Variants in ARMH1 observed in about 807,000 individuals in gnomAD.
The protein encoded by ARMH1 is armadillo like helical domain containing 1, also known as armadillo-like helical domain containing protein 1.
A neutral mutation model predicts 50.2 loss-of-function variants in ARMH1; 34 were observed. The ratio of observed to expected loss-of-function variants is 0.68; its 90% CI spans 0.51 to 0.90. The LOEUF (loss-of-function observed/expected upper bound fraction) is 0.90, where lower values mean the gene tolerates loss of function less well. Among genes scored for constraint, ARMH1 ranks in the 40% least tolerant of loss-of-function variants. The probability of loss-of-function intolerance (pLI) is 0.00; values close to 1 mark genes in which losing one functional copy is unlikely to be tolerated. For synonymous variants in ARMH1, 221 were observed against 224.2 expected (o/e 0.99, Z 0.13); for missense variants, 538 against 553.9 (o/e 0.97, Z 0.29).
Position 44,724,779 on chromosome 1 carries a change from C to T in ARMH1, c.1068C>T (p.Phe356=). Residue 356 remains phenylalanine, a synonymous_variant, in exon 10 of 12, where the codon TTC becomes TTT. Transcript: ENST00000535358. This position sits in a 1 kb window ranked among gnomAD's most constrained non-coding sequence, Gnocchi z 6.4. ...SLTLECFVQM[F]PLVAEHVRKC... is the part of the protein sequence containing the mutation. ...CGGCGCAGTGCTTCGTGCAGATGTT[C>T]CCCTTGGTGGCGGAGCACGTGCGCA... 6.5e-7 allele frequency: 1 copy of T among 1,544,146 alleles called. No homozygotes were observed. The highest frequency in any genetic ancestry group is 8.7e-7 in the Non-Finnish European group (1 of 1,146,728).
intron 1 of ARMH1, among the ~76,000 whole-genome samples, chr1:44,675,639 G>T (rs1645111515): frequency 6.6e-6 from 1 of 152,060 alleles, no homozygotes; most frequent in Admixed American, 6.6e-5. Context: ...TCCAGCCTGG[G>T]TGACAGAGTG....
At chr1:44,714,662 A>G (rs1248716123) in intron 6 of ARMH1, among the ~76,000 whole-genome samples, 6 of 151,722 alleles carry the variant, frequency 4.0e-5, no homozygotes, top group Non-Finnish European at 7.4e-5. Flanking sequence ...AAGATGGCTG[A>G]CACTGGTCTC....
intron 6 of ARMH1, among the ~76,000 whole-genome samples, chr1:44,720,758 G>A (rs1004809474): frequency 6.6e-5 from 10 of 152,058 alleles, no homozygotes; most frequent in African/African-American, 2.4e-4. Context: ...TTCTCAGGCC[G>A]GGCGTGGTGG....
intron 6 of ARMH1, among the ~76,000 whole-genome samples, chr1:44,712,915 C>CA (rs1280241996): frequency 2.0e-5 from 3 of 152,122 alleles, no homozygotes; most frequent in Non-Finnish European, 4.4e-5. Flanking sequence ...ATACCCGCCT[C>CA]AGCCTCCTAA....
At chr1:44,722,732 T>C (rs1647502964) in intron 6 of ARMH1, among the ~76,000 whole-genome samples, 1 of 146,828 alleles carries the variant, frequency 6.8e-6, no homozygotes, top group Non-Finnish European at 1.5e-5. Context: ...AAACTCCGTC[T>C]CAAAAAAACA....
In ARMH1 at chr1:44,681,471, A is replaced by G. The variant is rs1416452883; in HGVS notation, c.-23+6598A>G. On this transcript the variant is annotated intron_variant, in intron 1 of 11. Transcript: ENST00000535358. The surrounding 1 kb of genome is among the most constrained non-coding windows in gnomAD (Gnocchi z 4.3). Reference sequence around the variant, plus strand: ...GCCTGAGTGACAAGAGTGAGCCCCTATCTCGAATAAATACACTGATAAATA... The same window carrying G: ...GCCTGAGTGACAAGAGTGAGCCCCTGTCTCGAATAAATACACTGATAAATA... Among the ~76,000 whole-genome samples, 2 of 152,098 alleles carry G rather than the reference A, an allele frequency of 1.3e-5. No homozygotes were observed. The highest frequency in any genetic ancestry group is 2.9e-5 in the Non-Finnish European group (2 of 68,032).
chr1:44,693,126 T>A (rs1284392095), intron 2 of ARMH1: 3 of 152,198 alleles, frequency 2.0e-5, no homozygotes, highest in Non-Finnish European at 2.9e-5. Context: ...AAGGTTCTGC[T>A]TTAGTAGATT....
At chr1:44,710,128 A>G (rs1224541766) in intron 6 of ARMH1, among the ~76,000 whole-genome samples, 1 of 152,144 alleles carries the variant, frequency 6.6e-6, no homozygotes, top group Non-Finnish European at 1.5e-5. Context: ...GCAGGGAAAC[A>G]GTGGCCCTAA....
chr1:44,725,180 G>A lies in ARMH1; in HGVS notation c.1173G>A (p.Ala391=), dbSNP rs1648106658. 6.4e-7 allele frequency: 1 copy of A among 1,552,006 alleles called. No homozygotes were observed. The highest frequency in any genetic ancestry group is 8.7e-7 in the Non-Finnish European group (1 of 1,147,030). ...DLYMKIDSIQ[A]DILAANTVNV... is the part of the protein sequence containing the mutation. ...ACATGAAAATAGACAGCATTCAGGC[G>A]GACATCTTGGCGGCCAACACAGTCA... The change falls in exon 11 of 12, where the codon GCG becomes GCA. Residue 391 remains alanine (A), a synonymous_variant. Transcript: ENST00000535358.
intron 6 of ARMH1, among the ~76,000 whole-genome samples, chr1:44,705,183 A>G (rs1307755802): frequency 2.0e-5 from 3 of 151,464 alleles, no homozygotes; most frequent in Non-Finnish European, 4.4e-5. Flanking sequence ...ACATCACCTC[A>G]TTTACTTCTC....
chr1:44,717,388 C>G (rs1646898696), intron 6 of ARMH1, among the ~76,000 whole-genome samples: 1 of 152,250 alleles, frequency 6.6e-6, no homozygotes, highest in African/African-American at 2.4e-5. Flanking sequence ...TGACATGGCA[C>G]TATCCAACAT....
chr1:44,713,491 A>C (rs1288031889), intron 6 of ARMH1, among the ~76,000 whole-genome samples: 1 of 152,168 alleles, frequency 6.6e-6, no homozygotes, highest in Non-Finnish European at 1.5e-5. Flanking sequence ...ATTGAACAGC[A>C]GTCAGAAGGC....
chr1:44,704,989 C>A (rs963789340), intron 6 of ARMH1, among the ~76,000 whole-genome samples: 12 of 151,936 alleles, frequency 7.9e-5, no homozygotes, highest in African/African-American at 2.9e-4. Flanking sequence ...CGCCTGTCAC[C>A]ATGCCCGGCT....
At chr1:44,703,674 G>A (rs1311788521) in intron 5 of ARMH1, among the ~76,000 whole-genome samples, 1 of 150,634 alleles carries the variant, frequency 6.6e-6, no homozygotes, top group Non-Finnish European at 1.5e-5. Context: ...GTTGCAGTGA[G>A]CCGAGATCGC....
chr1:44,709,545 G>A (rs1051765880), intron 6 of ARMH1, among the ~76,000 whole-genome samples: 9 of 152,134 alleles, frequency 5.9e-5, no homozygotes, highest in East Asian at 5.8e-4. Flanking sequence ...AGTGGCATGC[G>A]CCTGTAGTCC....
chr1:44,687,093 ATAACT>A (rs892488520), intron 1 of ARMH1, among the ~76,000 whole-genome samples: 5 of 152,224 alleles, frequency 3.3e-5, no homozygotes, highest in African/African-American at 4.8e-5. Flanking sequence ...TATAGACTAG[ATAACT>A]TAAATGACAG....
Position 44,725,356 on chromosome 1 carries a change from A to G in ARMH1, c.1276A>G (p.Met426Val). The part of the protein sequence containing the change: ...TLYGSRDSAQ[M>V]AYLTHFEEDV... ...CTATGGCTCGCGCGATTCGGCTCAG[A>G]TGGCCTACCTCACACACTTCGAGGA... Residue 426 changes from methionine (M) to valine (V), a missense_variant, in exon 12 of 12, where the codon ATG (methionine) becomes GTG (valine). Met to Val is a conservative substitution (Grantham distance 21). Coordinates refer to ENST00000535358, the MANE Select transcript of ARMH1 (RefSeq NM_001145636.2). 1 of 1,551,708 alleles carries G rather than the reference A, an allele frequency of 6.4e-7. No homozygotes were observed. The highest frequency in any genetic ancestry group is 1.4e-5 in the African/African-American group (1 of 73,168).
chr1:44,693,758 T>G (rs1645736302), intron 2 of ARMH1, among the ~76,000 whole-genome samples: 1 of 152,218 alleles, frequency 6.6e-6, no homozygotes, highest in Non-Finnish European at 1.5e-5. Context: ...GTCTGGCCCA[T>G]CATGGACTTT....
intron 6 of ARMH1, among the ~76,000 whole-genome samples, chr1:44,710,058 G>A (rs1459122540): frequency 6.6e-6 from 1 of 152,078 alleles, no homozygotes; most frequent in African/African-American, 2.4e-5. Flanking sequence ...GTACAACAGT[G>A]GGGCTTGTAG....
Sources: allele counts gnomAD v4.1 joint callset (sites outside exome capture counted in the v4.1 genomes callset), GRCh38; gene constraint gnomAD v4.1.1; non-coding constraint Gnocchi (gnomAD v3.1); transcripts MANE v1.5; gene names NCBI Gene and HGNC (gene_info 2026-07-23, HGNC 2026-07-21).